CDH13: variants seen among roughly 807,000 people sequenced by gnomAD.
CDH13 encodes the protein cadherin 13.
Under a neutral mutation model 63.8 loss-of-function variants are expected in CDH13, and 24 were observed. That is an observed-to-expected ratio of 0.38 (90% confidence interval 0.27 to 0.53). The LOEUF (loss-of-function observed/expected upper bound fraction) is 0.53, where lower values mean the gene tolerates loss of function less well. CDH13 is among the 20% of genes least tolerant of loss of function. The pLI, the probability that CDH13 is intolerant of heterozygous loss-of-function variation, is 0.85. For missense variants in CDH13, 1,049 were observed against 903.1 expected (o/e 1.16, Z -2.07); for synonymous variants, 503 against 355.3 (o/e 1.42, Z -4.67).
chr16:83,458,435 A>G (rs546996709), intron 6 of CDH13, among the ~76,000 whole-genome samples: 1 of 152,008 alleles, frequency 6.6e-6, no homozygotes, highest in Non-Finnish European at 1.5e-5. Context: ...GTCCTCTTAT[A>G]TTTTCCTTTC....
At chr16:83,319,961 G>A (rs2090185905) in intron 5 of CDH13, among the ~76,000 whole-genome samples, 2 of 152,170 alleles carry the variant, frequency 1.3e-5, no homozygotes, top group African/African-American at 2.4e-5. Context: ...ATGGAAAAAC[G>A]AGGTTCTAAG....
At chr16:83,466,580 C>G (rs962387197) in intron 6 of CDH13, among the ~76,000 whole-genome samples, 2 of 152,178 alleles carry the variant, frequency 1.3e-5, no homozygotes, top group African/African-American at 2.4e-5. Flanking sequence ...CACCTGGCAA[C>G]CTTCATCAAC....
chr16:82,950,947 G>A (rs1433793590), intron 2 of CDH13, among the ~76,000 whole-genome samples: 2 of 152,074 alleles, frequency 1.3e-5, no homozygotes, highest in Non-Finnish European at 2.9e-5. Context: ...TGCAATGTGT[G>A]AATCTAGAAC....
At chr16:82,842,635 C>T (rs1023919913) in intron 1 of CDH13, among the ~76,000 whole-genome samples, 2 of 152,070 alleles carry the variant, frequency 1.3e-5, no homozygotes, top group Admixed American at 6.5e-5. Flanking sequence ...ACAATTTTCC[C>T]ATGTACCAGG....
At chr16:82,876,994 A>C (rs368079194) in intron 2 of CDH13, among the ~76,000 whole-genome samples, 66 of 152,316 alleles carry the variant, frequency 4.3e-4, no homozygotes, top group African/African-American at 1.3e-3. Context: ...AGTAAATACA[A>C]CTTCTCAAAG....
intron 7 of CDH13, among the ~76,000 whole-genome samples, chr16:83,572,177 TGTGTG>T (rs1567774940): frequency 0.011 from 697 of 61,696 alleles, 6 homozygotes; most frequent in African/African-American, 0.042. Flanking sequence ...TTTCCTGTGG[TGTGTG>T]TGTGTGTGTG....
intron 5 of CDH13, among the ~76,000 whole-genome samples, chr16:83,223,513 T>C (rs1017583628): frequency 2.6e-4 from 39 of 152,228 alleles, no homozygotes; most frequent in African/African-American, 9.2e-4. Flanking sequence ...TCAAGGTCGC[T>C]GCTGGCTCTT....
At chr16:83,620,112 G>A (rs66650339) in intron 8 of CDH13, among the ~76,000 whole-genome samples, 34,233 of 151,878 alleles carry the variant, frequency 0.23, 4,265 homozygotes, top group East Asian at 0.54. Context: ...AGGGAGGGGG[G>A]CCGGGCTCAG....
At chr16:83,701,582 C>T (rs1906237573) in intron 10 of CDH13, among the ~76,000 whole-genome samples, 1 of 152,156 alleles carries the variant, frequency 6.6e-6, no homozygotes, top group Non-Finnish European at 1.5e-5. Flanking sequence ...ATGCCTTTGC[C>T]AACATCTGGT....
intron 8 of CDH13, among the ~76,000 whole-genome samples, chr16:83,647,506 A>G (rs1481588085): frequency 6.6e-6 from 1 of 152,106 alleles, no homozygotes; most frequent in African/African-American, 2.4e-5. Context: ...CCTTCCTACA[A>G]CATAAATGTG....
intron 7 of CDH13, among the ~76,000 whole-genome samples, chr16:83,523,100 C>T (rs2074878745): frequency 6.6e-6 from 1 of 152,176 alleles, no homozygotes; most frequent in Non-Finnish European, 1.5e-5. Context: ...CCTCTGGTAC[C>T]CCTTTTATAG....
intron 4 of CDH13, among the ~76,000 whole-genome samples, chr16:83,151,524 C>T (rs986219790): frequency 6.6e-6 from 1 of 152,160 alleles, no homozygotes; most frequent in Admixed American, 6.5e-5. Flanking sequence ...CCCAGAACAA[C>T]TGAACCCCTA....
At chr16:83,301,806 A>G (rs2089753790) in intron 5 of CDH13, among the ~76,000 whole-genome samples, 1 of 152,010 alleles carries the variant, frequency 6.6e-6, no homozygotes, top group Admixed American at 6.6e-5. Flanking sequence ...GTTTTGGCAG[A>G]CACAGAGTCA....
chr16:83,420,701 C>T (rs1323964328), intron 6 of CDH13, among the ~76,000 whole-genome samples: 1 of 152,192 alleles, frequency 6.6e-6, no homozygotes, highest in Admixed American at 6.5e-5. Context: ...CCACTATAGG[C>T]CATCTGCAAG....
intron 4 of CDH13, among the ~76,000 whole-genome samples, chr16:83,170,146 C>T (rs899216465): frequency 6.6e-6 from 1 of 152,034 alleles, no homozygotes; most frequent in African/African-American, 2.4e-5. Context: ...TGCAAAAATG[C>T]CATACTGTTC....
chr16:83,437,926 G>C (rs562439418), intron 6 of CDH13, among the ~76,000 whole-genome samples: 1 of 152,148 alleles, frequency 6.6e-6, no homozygotes, highest in South Asian at 2.1e-4. Flanking sequence ...TCTTCCTTCT[G>C]CTTCCTCAAG....
In CDH13 at chr16:82,966,588, G is replaced by C. The variant is rs185901097; in HGVS notation, c.158-65422G>C. ...TCTAGAGCCTTTGTTCTGGAAATCTGTCTTTTATAATACACAGGGATTTTA... is the reference window on the plus strand; with the variant it reads ...TCTAGAGCCTTTGTTCTGGAAATCTCTCTTTTATAATACACAGGGATTTTA... On this transcript the variant is annotated intron_variant, in intron 2 of 13. Coordinates refer to ENST00000567109, the MANE Select transcript of CDH13 (RefSeq NM_001257.5). Among the ~76,000 whole-genome samples the C allele has an allele frequency of 1.7e-3, 261 of 152,310 alleles. 1 individual carries two copies. The highest frequency in any genetic ancestry group is 6.1e-3 in the African/African-American group (253 of 41,570).
At chr16:83,560,385 C>A (rs1056549454) in intron 7 of CDH13, among the ~76,000 whole-genome samples, 3 of 152,218 alleles carry the variant, frequency 2.0e-5, no homozygotes, top group South Asian at 2.1e-4. Flanking sequence ...CATGGATGAA[C>A]CTGGAGGATG....
At chr16:83,033,080 ATATACT>A (rs1480801189) in intron 3 of CDH13, among the ~76,000 whole-genome samples, 1 of 152,212 alleles carries the variant, frequency 6.6e-6, no homozygotes, top group Non-Finnish European at 1.5e-5. Flanking sequence ...CATATGTACC[ATATACT>A]TATGTGTATA....
Sources: gnomAD v4.1 joint callset for allele counts (sites outside exome capture counted in the v4.1 genomes callset) on GRCh38, gnomAD v4.1.1 for gene constraint, MANE v1.5 for transcripts, NCBI Gene and HGNC (gene_info 2026-07-23, HGNC 2026-07-21) for gene names.